The following MBTPS2 variants were observed in gnomAD, a reference collection of about 807,000 sequenced individuals.
MBTPS2 encodes the protein membrane-bound transcription factor site-2 protease.
Under a neutral mutation model 35.4 loss-of-function variants are expected in MBTPS2, and 2 were observed. That is an observed-to-expected ratio of 0.06 (90% CI 0.02 to 0.18). MBTPS2 has a LOEUF of 0.18. MBTPS2 is among the 10% of genes least tolerant of loss of function. The pLI is 1.00. For synonymous variants in MBTPS2, 125 were observed against 140.4 expected (o/e 0.89, Z 0.77); for missense variants, 244 against 386.5 (o/e 0.63, Z 3.09).
intron 5 of MBTPS2, chrX:21,857,254 C>G: frequency 3.3e-6 from 4 of 1,211,672 alleles, no homozygotes; most frequent in Admixed American, 2.2e-5. Flanking sequence ...GTCCCTTGCT[C>G]TTATAGCGGC....
chrX:21,856,855 C>G (rs767015419), intron 5 of MBTPS2: 1 of 1,209,481 alleles, frequency 8.3e-7, no homozygotes, highest in African/African-American at 1.8e-5. Context: ...GCCTCTCTGT[C>G]GGCCTCGGCG....
intron 5 of MBTPS2, chrX:21,857,462 C>T: frequency 8.3e-7 from 1 of 1,212,093 alleles, no homozygotes; most frequent in Non-Finnish European, 1.1e-6. Context: ...CCCTTGATTT[C>T]AATTTGCGCA....
chrX:21,856,611 G>A lies in MBTPS2; in HGVS notation c.670+3108G>A, dbSNP rs371109411. 13 of 1,210,350 alleles carry A rather than the reference G, an allele frequency of 1.1e-5. No individual in the cohort carries two copies. Among genetic ancestry groups the A allele is most frequent in the Non-Finnish European group, 2.2e-6 (2 of 895,366 alleles). On this transcript the variant is annotated intron_variant, in intron 5 of 10. Transcript: ENST00000379484. ...CATTCCGACGGAAAGCGTCCAGTAC[G>A]AGGATGTGGATGGCAATTGGATCTA...
chrX:21,862,949 T>TATATATATATATATAC (rs2092934462), intron 5 of MBTPS2, among the ~76,000 whole-genome samples: 1 of 51,059 alleles, frequency 2.0e-5, no homozygotes, highest in Non-Finnish European at 3.3e-5. Flanking sequence ...TATATATATA[T>TATATATATATATATAC]ATATATATAT....
chrX:21,843,186 A>C lies in MBTPS2; in HGVS notation c.92A>C (p.Lys31Thr), dbSNP rs753216720. 10 of 1,208,960 alleles carry C rather than the reference A, an allele frequency of 8.3e-6. No homozygotes were observed. In the Admixed American group the frequency reaches 2.0e-4, roughly 24 times the overall value. Residue 31 changes from lysine (K) to threonine (T), a missense_variant, in exon 2 of 11, where the codon AAA (lysine) becomes ACA (threonine). Transcript: ENST00000379484. Reference protein sequence around the residue: ...DLVLKSSVYFKHSYEDWLENN... With the variant: ...DLVLKSSVYFTHSYEDWLENN... ...CTCTCTTAGTCATCTGTCTATTTTA[A>C]ACATTCTTATGAAGACTGGCTGGAA...
intron 3 of MBTPS2, among the ~76,000 whole-genome samples, chrX:21,849,975 C>T (rs1159597921): frequency 2.0e-5 from 2 of 100,209 alleles, no homozygotes; most frequent in African/African-American, 7.4e-5. Context: ...TGCAGTGAGC[C>T]GAGATCGCGC....
Position 21,884,297 on chromosome X carries a change from C to G in MBTPS2, c.*1642C>G. On this transcript the variant is annotated 3_prime_UTR_variant, in exon 11 of 11. Transcript: ENST00000379484. ...TAGACAATCATTTGGGATCAGAGTACATTAGCATAGTAATGCTCAGTCAGA... is the reference window on the plus strand; with the variant it reads ...TAGACAATCATTTGGGATCAGAGTAGATTAGCATAGTAATGCTCAGTCAGA... 1 of 738,170 alleles carries G rather than the reference C, an allele frequency of 1.4e-6. No homozygotes were observed. The highest frequency in any genetic ancestry group is 1.6e-6 in the Non-Finnish European group (1 of 624,444). 60.8% of individuals were successfully genotyped at this position (738,170 alleles called of 1,213,427 possible). A position where few individuals can be genotyped will look rare whatever the true frequency, so the allele number is the denominator to read the frequency against.
chrX:21,868,717 G>A (rs1261755183), intron 6 of MBTPS2, 132 bp downstream of exon 6: 8 of 535,026 alleles, frequency 1.5e-5, no homozygotes, highest in Non-Finnish European at 2.3e-5. Context: ...AATTACTGTA[G>A]TCCTCTCAAA....
In MBTPS2 at chrX:21,854,923, C is replaced by T. The variant is rs767973948; in HGVS notation, c.670+1420C>T. 5.4e-5 allele frequency among the ~76,000 whole-genome samples: 6 copies of T among 111,736 alleles called. No homozygotes were observed. In the East Asian group the frequency reaches 1.4e-3, roughly 26 times the overall value. On this transcript the variant is annotated intron_variant, in intron 5 of 10. Coordinates refer to ENST00000379484, the MANE Select transcript of MBTPS2 (RefSeq NM_015884.4). ...CACCTTGGATCAATTTAATTCAAACCTGTGATTTCAGTAGATCTAAAAATT... is the reference window on the plus strand; with the variant it reads ...CACCTTGGATCAATTTAATTCAAACTTGTGATTTCAGTAGATCTAAAAATT...
chrX:21,863,738 A>G (rs997948682), intron 5 of MBTPS2, among the ~76,000 whole-genome samples: 1 of 111,819 alleles, frequency 8.9e-6, no homozygotes, highest in Admixed American at 9.5e-5. Context: ...ATTAAATGGT[A>G]TAGAACTAAC....
chrX:21,847,495 G>C (rs919709891), intron 3 of MBTPS2, among the ~76,000 whole-genome samples: 3 of 111,983 alleles, frequency 2.7e-5, no homozygotes, highest in South Asian at 3.7e-4. Flanking sequence ...TCAGTATTCT[G>C]GTACATCTGA....
At chrX:21,880,158 T>C (rs887582860) in intron 9 of MBTPS2, among the ~76,000 whole-genome samples, 2 of 108,822 alleles carry the variant, frequency 1.8e-5, no homozygotes, top group African/African-American at 6.8e-5. Flanking sequence ...TTTCACCATA[T>C]TGGTCAGGCT....
intron 7 of MBTPS2, chrX:21,870,287 T>C (rs2092945744): frequency 9.2e-6 from 1 of 108,331 alleles, no homozygotes; most frequent in Admixed American, 1.0e-4. Context: ...AATAATCAAA[T>C]ACCCCAATAT....
In MBTPS2 at chrX:21,882,899, C is replaced by T; in HGVS notation, c.*244C>T. 1 of 1,035,340 alleles carries T rather than the reference C, an allele frequency of 9.7e-7. No homozygotes were observed. Among genetic ancestry groups the T allele is most frequent in the Non-Finnish European group, 1.2e-6 (1 of 809,801 alleles). The allele number at this position is 1,035,340 out of a possible 1,213,427, so 85.3% of individuals were successfully genotyped here. On this transcript the variant is annotated 3_prime_UTR_variant, in exon 11 of 11. Coordinates refer to ENST00000379484, the MANE Select transcript of MBTPS2 (RefSeq NM_015884.4). ...ATTTAGGACTGAATGTACCCAGATG[C>T]TTGTGGAATAATATCTAAGCAAGTG...
In MBTPS2 at chrX:21,884,370, A is replaced by G; in HGVS notation, c.*1715A>G. The G allele has an allele frequency of 1.5e-6, 1 of 669,639 alleles. No individual in the cohort carries two copies. Among genetic ancestry groups the G allele is most frequent in the Non-Finnish European group, 1.8e-6 (1 of 561,782 alleles). The allele number at this position is 669,639 out of a possible 1,213,427, so 55.2% of individuals were successfully genotyped here. ...GAGAATGCCATGAAATACTTATATA[A>G]TTAATTTGATTGCATGAACTAAGCA... On this transcript the variant is annotated 3_prime_UTR_variant, in exon 11 of 11. Coordinates refer to ENST00000379484, the MANE Select transcript of MBTPS2 (RefSeq NM_015884.4).
intron 3 of MBTPS2, among the ~76,000 whole-genome samples, chrX:21,848,185 C>T (rs923901851): frequency 4.5e-5 from 5 of 111,926 alleles, no homozygotes; most frequent in African/African-American, 9.8e-5. Flanking sequence ...TTTGGGAGGC[C>T]GAGGTGGGTG....
chrX:21,861,952 A>C (rs1295529749), intron 5 of MBTPS2, among the ~76,000 whole-genome samples: 2 of 112,237 alleles, frequency 1.8e-5, no homozygotes, highest in Non-Finnish European at 3.8e-5. Flanking sequence ...TGCTCTAATA[A>C]CTAAAAATAA....
Position 21,843,228 on chromosome X carries a change from T to C in MBTPS2, c.134T>C (p.Ile45Thr). The change falls in exon 2 of 11, where the codon ATC becomes ACC. Residue 45 changes from isoleucine to threonine, a missense_variant. By Grantham distance (89) the Ile-to-Thr change is moderately conservative. Coordinates refer to ENST00000379484, the MANE Select transcript of MBTPS2 (RefSeq NM_015884.4). ...TGGCTGGAAAACAACGGACTGAGCATCTCCCCTTTCCACATAAGATGGCAA... is the reference window on the plus strand; with the variant it reads ...TGGCTGGAAAACAACGGACTGAGCACCTCCCCTTTCCACATAAGATGGCAA... ...EDWLENNGLS[I>T]SPFHIRWQTA... 8.3e-7 allele frequency: 1 copy of C among 1,209,445 alleles called. No individual in the cohort carries two copies. The highest frequency in any genetic ancestry group is 1.1e-6 in the Non-Finnish European group (1 of 893,278).
chrX:21,866,512 T>A (rs1402300824), intron 5 of MBTPS2, among the ~76,000 whole-genome samples: 4 of 111,139 alleles, frequency 3.6e-5, no homozygotes. Flanking sequence ...AAGAAACAGA[T>A]CATGTAATAG....
Sources: allele counts gnomAD v4.1 joint callset (sites outside exome capture counted in the v4.1 genomes callset), GRCh38; gene constraint gnomAD v4.1.1; transcripts MANE v1.5; gene names NCBI Gene and HGNC (gene_info 2026-07-23, HGNC 2026-07-21).